The following NCKAP5 variants were observed in gnomAD, a reference collection of about 807,000 sequenced individuals.
NCKAP5 encodes the protein NCK associated protein 5.
In NCKAP5, 92 loss-of-function variants were observed where a neutral mutation model predicts 167.0. That is an observed-to-expected ratio of 0.55 (90% CI 0.47 to 0.66). The LOEUF is 0.66. Among genes scored for constraint, NCKAP5 ranks in the 30% least tolerant of loss-of-function variants. NCKAP5 has a pLI of 0.00. For missense variants in NCKAP5, 2,378 were observed against 2,315.0 expected, an observed-to-expected ratio of 1.03 and a Z score of -0.56; for synonymous variants, 891 against 877.4, an observed-to-expected ratio of 1.02 and a Z score of -0.27.
At chr2:133,270,473 G>A (rs1021950082) in intron 4 of NCKAP5, among the ~76,000 whole-genome samples, 11 of 152,172 alleles carry the variant, frequency 7.2e-5, no homozygotes, top group African/African-American at 2.7e-4. Context: ...AAGCCATTAA[G>A]TAAAGGTTTG....
chr2:133,188,487 C>A (rs1014720719), intron 5 of NCKAP5, among the ~76,000 whole-genome samples: 18 of 152,046 alleles, frequency 1.2e-4, no homozygotes, highest in African/African-American at 4.3e-4. Flanking sequence ...ATACATTCCT[C>A]TCAACACCAT....
At chr2:133,418,291 ACT>A (rs1208646490) in intron 3 of NCKAP5, among the ~76,000 whole-genome samples, 2 of 152,154 alleles carry the variant, frequency 1.3e-5, no homozygotes, top group African/African-American at 4.8e-5. Flanking sequence ...CAGCTAAACA[ACT>A]CTGAGACTTC....
intron 4 of NCKAP5, among the ~76,000 whole-genome samples, chr2:133,242,159 A>T (rs2087741733): frequency 6.6e-6 from 1 of 151,032 alleles, no homozygotes; most frequent in African/African-American, 2.4e-5. Flanking sequence ...TGACCAAGGC[A>T]AAATAGCTCC....
intron 11 of NCKAP5, among the ~76,000 whole-genome samples, chr2:132,814,970 T>C (rs1226918964): frequency 2.0e-5 from 3 of 152,162 alleles, no homozygotes; most frequent in Non-Finnish European, 2.9e-5. Flanking sequence ...AGAAGGAAGG[T>C]AAAGAGAAAT....
chr2:133,519,681 G>A (rs1558749408), intron 2 of NCKAP5, among the ~76,000 whole-genome samples: 1 of 152,202 alleles, frequency 6.6e-6, no homozygotes, highest in Non-Finnish European at 1.5e-5. Flanking sequence ...TATGCATTGA[G>A]TGCCTACTGT....
chr2:133,300,328 AAG>A (rs1260748780), intron 4 of NCKAP5, among the ~76,000 whole-genome samples: 1 of 133,664 alleles, frequency 7.5e-6, no homozygotes, highest in Non-Finnish European at 1.6e-5. Context: ...ACAACCAAAA[AAG>A]AGAATTTTAG....
rs536607023 is a variant in NCKAP5, at chr2:132,778,178, A to C, written c.5049+2874T>G. Among the ~76,000 whole-genome samples the C allele has an allele frequency of 5.9e-5, 9 of 152,218 alleles. 1 individual carries two copies. The South Asian group carries it at 1.0e-3, about 18-fold the overall frequency. ...GGAGATGCCTTTTCCCTATTTTATAATGATTTTATATAATTTAAATAAAAG... is the reference window on the plus strand; with the variant it reads ...GGAGATGCCTTTTCCCTATTTTATACTGATTTTATATAATTTAAATAAAAG... On this transcript the variant is annotated intron_variant, in intron 15 of 19. Coordinates refer to ENST00000409261, the MANE Select transcript of NCKAP5 (RefSeq NM_207363.3).
chr2:133,200,780 C>T (rs963799290), intron 5 of NCKAP5, among the ~76,000 whole-genome samples: 5 of 152,062 alleles, frequency 3.3e-5, no homozygotes, highest in Admixed American at 6.6e-5. Flanking sequence ...ATTTGTAATA[C>T]GCCACACTGC....
At chr2:133,324,096 A>G (rs1049297286) in intron 3 of NCKAP5, among the ~76,000 whole-genome samples, 3 of 152,172 alleles carry the variant, frequency 2.0e-5, no homozygotes, top group Non-Finnish European at 4.4e-5. Flanking sequence ...AGGTTTCCAA[A>G]CTACAACCAA....
chr2:133,462,973 CT>C (rs1422355010), intron 3 of NCKAP5, among the ~76,000 whole-genome samples: 1 of 152,198 alleles, frequency 6.6e-6, no homozygotes, highest in Non-Finnish European at 1.5e-5. Flanking sequence ...CACCGAATAT[CT>C]TCTTTGTACT....
intron 19 of NCKAP5, among the ~76,000 whole-genome samples, chr2:132,688,510 A>T (rs994649332): frequency 1.3e-5 from 2 of 152,216 alleles, no homozygotes; most frequent in African/African-American, 4.8e-5. Flanking sequence ...GTGACACAGC[A>T]TTAAAGATAA....
intron 8 of NCKAP5, among the ~76,000 whole-genome samples, chr2:132,906,663 C>T (rs1574587203): frequency 1.3e-5 from 2 of 152,158 alleles, no homozygotes; most frequent in South Asian, 4.1e-4. Flanking sequence ...AGTACCTGGG[C>T]TTTCTTGACA....
chr2:132,935,255 G>A (rs1387083664), intron 8 of NCKAP5, among the ~76,000 whole-genome samples: 2 of 152,184 alleles, frequency 1.3e-5, no homozygotes, highest in Non-Finnish European at 2.9e-5. Context: ...TAAGAATGAT[G>A]TTAACTCATG....
intron 19 of NCKAP5, among the ~76,000 whole-genome samples, chr2:132,682,293 G>T (rs116799323): frequency 6.6e-6 from 1 of 152,086 alleles, no homozygotes; most frequent in Non-Finnish European, 1.5e-5. Context: ...ATCTGCTTCC[G>T]TTCCAGATTC....
chr2:133,251,698 T>C (rs1382191562), intron 4 of NCKAP5, among the ~76,000 whole-genome samples: 4 of 152,232 alleles, frequency 2.6e-5, no homozygotes, highest in Admixed American at 6.5e-5. Flanking sequence ...TACTATGAAA[T>C]ATATGCATCT....
chr2:132,822,376 C>T (rs1429218622), intron 11 of NCKAP5, among the ~76,000 whole-genome samples: 1 of 152,194 alleles, frequency 6.6e-6, no homozygotes, highest in African/African-American at 2.4e-5. Flanking sequence ...TGGACCGCAT[C>T]ACAGGACTTT....
At chr2:133,643,874 C>T in the NCKAP5 span, among the ~76,000 whole-genome samples, 1 of 152,246 alleles carries the variant, frequency 6.6e-6, no homozygotes, top group South Asian at 2.1e-4. Context: ...CCTTTGGCTT[C>T]CTCTACCTAG....
chr2:133,175,890 G>A (rs10174389), intron 5 of NCKAP5, among the ~76,000 whole-genome samples: 43,736 of 151,914 alleles, frequency 0.29, 7,231 homozygotes, highest in East Asian at 0.74. Context: ...CAGAAACCAC[G>A]GTAAATCCAT....
At chr2:133,449,236 G>A (rs1168707088) in intron 3 of NCKAP5, among the ~76,000 whole-genome samples, 1 of 152,194 alleles carries the variant, frequency 6.6e-6, no homozygotes, top group Non-Finnish European at 1.5e-5. Context: ...ATAAATGAAA[G>A]AATGTTTCCC....
Sources: gnomAD v4.1 joint callset for allele counts (sites outside exome capture counted in the v4.1 genomes callset) on GRCh38, gnomAD v4.1.1 for gene constraint, MANE v1.5 for transcripts, NCBI Gene and HGNC (gene_info 2026-07-23, HGNC 2026-07-21) for gene names.